NT5C2: variants seen among roughly 807,000 people sequenced by gnomAD.
NT5C2 encodes the protein 5'-nucleotidase, cytosolic II.
NT5C2 carries 58 observed loss-of-function variants against 76.1 expected under a neutral mutation model. The ratio of observed to expected loss-of-function variants is 0.76; its 90% CI spans 0.62 to 0.95. The LOEUF (loss-of-function observed/expected upper bound fraction) is 0.95. Among genes scored for constraint, NT5C2 ranks in the 40% least tolerant of loss-of-function variants. The pLI is 0.00. For missense variants in NT5C2, 478 were observed against 690.3 expected (o/e 0.69, Z 3.45); for synonymous variants, 229 against 237.4 (o/e 0.96, Z 0.32).
At chr10:103,129,894 C>T (rs2077716506) in intron 4 of NT5C2, among the ~76,000 whole-genome samples, 1 of 86,530 alleles carries the variant, frequency 1.2e-5, no homozygotes, top group Non-Finnish European at 2.3e-5. Flanking sequence ...GTGTCAGCCC[C>T]CCGCCCGGCC....
At chr10:103,116,574 C>CTTT (rs1459095608) in intron 4 of NT5C2, among the ~76,000 whole-genome samples, 2 of 136,332 alleles carry the variant, frequency 1.5e-5, no homozygotes, top group Non-Finnish European at 3.2e-5. Context: ...AGATTTTTTT[C>CTTT]TTTTTTTTTT....
At chr10:103,139,202 A>G (rs2079911056) in intron 4 of NT5C2, among the ~76,000 whole-genome samples, 1 of 152,178 alleles carries the variant, frequency 6.6e-6, no homozygotes, top group Non-Finnish European at 1.5e-5. Flanking sequence ...TTTTCTATCT[A>G]TGTGTACAAA....
At chr10:103,148,793 A>C (rs2081947193) in intron 3 of NT5C2, among the ~76,000 whole-genome samples, 1 of 152,196 alleles carries the variant, frequency 6.6e-6, no homozygotes, top group Admixed American at 6.5e-5. Context: ...GTATGGAGAC[A>C]TACATGGAAC....
At chr10:103,129,947 C>T (rs1322692760) in intron 4 of NT5C2, among the ~76,000 whole-genome samples, 12 of 129,078 alleles carry the variant, frequency 9.3e-5, no homozygotes, top group East Asian at 5.4e-4. Context: ...TCAGCCCCCC[C>T]GCCCGGCCAG....
At chr10:103,102,517 ATTTTTTC>A (rs1230192077) in intron 6 of NT5C2, among the ~76,000 whole-genome samples, 4 of 151,132 alleles carry the variant, frequency 2.6e-5, no homozygotes, top group South Asian at 2.1e-4. Context: ...GACTCTCAGA[ATTTTTTC>A]TTTTTTCTTT....
intron 3 of NT5C2, among the ~76,000 whole-genome samples, chr10:103,144,933 TTC>T (rs778654097): frequency 6.6e-6 from 1 of 152,216 alleles, no homozygotes; most frequent in Non-Finnish European, 1.5e-5. Flanking sequence ...AAACAATCAC[TTC>T]TGTCTCCCCC....
intron 11 of NT5C2, among the ~76,000 whole-genome samples, chr10:103,096,420 G>A (rs1051015839): frequency 1.3e-5 from 2 of 152,198 alleles, no homozygotes; most frequent in African/African-American, 4.8e-5. Context: ...CATGTACAGC[G>A]AATTGGGGGA....
chr10:103,160,783 G>A (rs1458723092), intron 3 of NT5C2, among the ~76,000 whole-genome samples: 1 of 152,160 alleles, frequency 6.6e-6, no homozygotes, highest in Non-Finnish European at 1.5e-5. Flanking sequence ...GGGAGGCCGA[G>A]GCAGGCAGAT....
At chr10:103,162,968 A>G (rs192767648) in intron 3 of NT5C2, among the ~76,000 whole-genome samples, 1 of 152,008 alleles carries the variant, frequency 6.6e-6, no homozygotes, top group East Asian at 1.9e-4. Context: ...TTCTCTACTA[A>G]CTCTTAGAAC....
At chr10:103,153,418 G>A in intron 3 of NT5C2, 3 of 1,145,506 alleles carry the variant, frequency 2.6e-6, no homozygotes, top group Non-Finnish European at 3.3e-6. Flanking sequence ...GCCCTGAGAG[G>A]CCCAACAAAT....
intron 3 of NT5C2, among the ~76,000 whole-genome samples, chr10:103,152,231 C>A (rs2082534209): frequency 6.6e-6 from 1 of 152,090 alleles, no homozygotes. Flanking sequence ...AGAAAATATA[C>A]CAACCTAAAA....
At chr10:103,152,628 T>C (rs1056907347) in intron 3 of NT5C2, among the ~76,000 whole-genome samples, 5 of 152,130 alleles carry the variant, frequency 3.3e-5, no homozygotes, top group African/African-American at 7.2e-5. Flanking sequence ...AAAAGAAACA[T>C]CTCTCTAAAA....
At chr10:103,174,787 AT>A in intron 3 of NT5C2, 70 bp downstream of exon 3, 1 of 984,544 alleles carries the variant, frequency 1.0e-6, no homozygotes, top group South Asian at 1.3e-5. Flanking sequence ...CTGTACATTA[AT>A]TTCATCATCT....
At chr10:103,163,977 G>C (rs569460494) in intron 3 of NT5C2, among the ~76,000 whole-genome samples, 8 of 151,812 alleles carry the variant, frequency 5.3e-5, no homozygotes, top group African/African-American at 1.5e-4. Flanking sequence ...GGTGACTCAC[G>C]CCTAAAATCC....
At chr10:103,146,536 T>C (rs1295186579) in intron 3 of NT5C2, 5 of 602,026 alleles carry the variant, frequency 8.3e-6, no homozygotes, top group African/African-American at 4.0e-5. Flanking sequence ...CTAAAAAGTA[T>C]GTGTCTGTAT....
At chr10:103,163,477 A>C (rs1440714725) in intron 3 of NT5C2, among the ~76,000 whole-genome samples, 1 of 152,196 alleles carries the variant, frequency 6.6e-6, no homozygotes. Flanking sequence ...CTATTGTAAC[A>C]GGCATATATA....
rs146000088 is a variant in NT5C2 at position 103,118,323 on chromosome 10, T to G, written c.176-11617A>C. On this transcript the variant is annotated intron_variant, in intron 4 of 18. Coordinates refer to ENST00000404739, the MANE Select transcript of NT5C2 (RefSeq NM_001351169.2). ...TAGTCTAATCAGAACATTGATACAA[T>G]TCAATGAATCTAGCATGAAATTATC... 3.6e-3 allele frequency among the ~76,000 whole-genome samples: 548 copies of G among 152,160 alleles called. 4 individuals are homozygous for G. Among genetic ancestry groups the G allele is most frequent in the African/African-American group, 0.013 (535 of 41,514 alleles).
At position 103,163,789 on chromosome 10, in the gene NT5C2, G is replaced by C. The variant is rs181769793; in HGVS notation, c.101+11069C>G. ...CCCAGCACTTTGGGAGGCTGAGGCA[G>C]GTGAATCACTTGAGGTCAGGAGTTC... On this transcript the variant is annotated intron_variant, in intron 3 of 18. Coordinates refer to ENST00000404739, the MANE Select transcript of NT5C2 (RefSeq NM_001351169.2). Among the ~76,000 whole-genome samples the C allele has an allele frequency of 6.0e-5, 9 of 149,068 alleles. No individual in the cohort carries two copies. The East Asian group carries it at 1.6e-3, about 27-fold the overall frequency.
At chr10:103,182,882 T>C (rs1353826222) in intron 1 of NT5C2, among the ~76,000 whole-genome samples, 1 of 152,176 alleles carries the variant, frequency 6.6e-6, no homozygotes, top group Non-Finnish European at 1.5e-5. Context: ...CCTCATATTG[T>C]ACTAAATAGC....
Sources: allele counts gnomAD v4.1 joint callset (sites outside exome capture counted in the v4.1 genomes callset), GRCh38; gene constraint gnomAD v4.1.1; transcripts MANE v1.5; gene names NCBI Gene and HGNC (gene_info 2026-07-23, HGNC 2026-07-21).